MYRIP: variants seen among roughly 807,000 people sequenced by gnomAD.
MYRIP encodes myosin VIIA and Rab interacting protein.
MYRIP carries 49 observed loss-of-function variants against 98.0 expected under a neutral mutation model. That is an observed-to-expected ratio of 0.50 (90% CI 0.40 to 0.63). The LOEUF (loss-of-function observed/expected upper bound fraction) is 0.63. Ranked by LOEUF, MYRIP falls within the 30% of genes least tolerant of loss-of-function variation. The pLI, the probability that MYRIP is intolerant of heterozygous loss-of-function variation, is 0.00. For synonymous variants in MYRIP, 404 were observed against 409.5 expected (o/e 0.99, Z 0.16); for missense variants, 1,004 against 1,058.2 (o/e 0.95, Z 0.71).
In MYRIP at chr3:40,160,800, A is replaced by T. The variant is rs146710861; in HGVS notation, c.470-1930A>T. ...GGTGCCACCCCTTTCTTTGACTAGG[A>T]AAGGGAACTCCCTGGCCCCTTGCGC... On this transcript the variant is annotated intron_variant, in intron 4 of 16. Transcript: ENST00000302541. 2.5e-3 allele frequency among the ~76,000 whole-genome samples: 377 copies of T among 152,242 alleles called. 3 individuals are homozygous for T. Among genetic ancestry groups the T allele is most frequent in the African/African-American group, 8.4e-3 (350 of 41,544 alleles).
intron 4 of MYRIP, among the ~76,000 whole-genome samples, chr3:40,156,373 C>T (rs1317229756): frequency 3.3e-5 from 5 of 152,266 alleles, no homozygotes; most frequent in African/African-American, 9.6e-5. Flanking sequence ...GGTACCAGTA[C>T]CATGCTTGTT....
intron 2 of MYRIP, among the ~76,000 whole-genome samples, chr3:39,987,893 A>G (rs1452775751): frequency 6.6e-6 from 1 of 152,214 alleles, no homozygotes; most frequent in Non-Finnish European, 1.5e-5. Flanking sequence ...CACAATAGCA[A>G]AGACTTGGAA....
chr3:39,839,569 T>C (rs1227818841), intron 1 of MYRIP, among the ~76,000 whole-genome samples: 1 of 152,192 alleles, frequency 6.6e-6, no homozygotes, highest in East Asian at 1.9e-4. Context: ...CTAGTTCTTT[T>C]AATTGTGATG....
chr3:39,959,781 A>G (rs182060380), intron 2 of MYRIP, among the ~76,000 whole-genome samples: 4 of 152,120 alleles, frequency 2.6e-5, no homozygotes, highest in African/African-American at 7.2e-5. Context: ...ATTCAATATA[A>G]TTAAATATTG....
chr3:39,867,249 C>T (rs900515345), intron 1 of MYRIP, among the ~76,000 whole-genome samples: 1 of 152,136 alleles, frequency 6.6e-6, no homozygotes, highest in Admixed American at 6.5e-5. Flanking sequence ...TAGGAAAAAG[C>T]TCCTTTATGT....
chr3:39,972,488 T>C (rs148217636), intron 2 of MYRIP, among the ~76,000 whole-genome samples: 2 of 152,116 alleles, frequency 1.3e-5, no homozygotes, highest in South Asian at 2.1e-4. Context: ...AAATTTACTT[T>C]TAAAAATAAT....
At chr3:40,104,993 T>A (rs1949027311) in intron 3 of MYRIP, among the ~76,000 whole-genome samples, 1 of 152,174 alleles carries the variant, frequency 6.6e-6, no homozygotes, top group Non-Finnish European at 1.5e-5. Context: ...TTTTTAACTG[T>A]TTCACTGATT....
At position 39,931,444 on chromosome 3, in the gene MYRIP, C is replaced by G. The variant is rs9858312; in HGVS notation, c.110+30518C>G. Reference sequence around the variant, plus strand: ...TTTTTTATGGACTCCTTAAGATTTTCAGTATACTAGATCATGTCATCTTTG... The same window carrying G: ...TTTTTTATGGACTCCTTAAGATTTTGAGTATACTAGATCATGTCATCTTTG... On this transcript the variant is annotated intron_variant, in intron 2 of 16. Coordinates refer to ENST00000302541, the MANE Select transcript of MYRIP (RefSeq NM_015460.4). Among the ~76,000 whole-genome samples the G allele has an allele frequency of 7.3e-5, 11 of 151,514 alleles. No individual in the cohort carries two copies. The South Asian group carries it at 2.3e-3, about 32-fold the overall frequency.
At chr3:40,156,000 T>G (rs371301627) in intron 4 of MYRIP, among the ~76,000 whole-genome samples, 18,943 of 151,720 alleles carry the variant, frequency 0.12, 2,800 homozygotes, top group African/African-American at 0.35. Flanking sequence ...CATTTAATTA[T>G]ATCCCATTTG....
rs368099984 is a variant in MYRIP, at chr3:40,250,240, C to T, written c.2281C>T (p.Arg761Trp). The T allele has an allele frequency of 4.0e-5, 64 of 1,613,340 alleles. No individual in the cohort carries two copies. The highest frequency in any genetic ancestry group is 5.3e-5 in the Non-Finnish European group (63 of 1,179,502). ...AELQISDIES[R>W]ISALTIAGLN... ...CTTTAAGATTTCAGATATTGAGAGC[C>T]GGATTTCAGCCCTGACCATTGCAGG... The change falls in exon 14 of 17, where the codon CGG becomes TGG. Residue 761 changes from arginine to tryptophan, a missense_variant. This residue lies in a region of MYRIP where 16 missense variants were observed against 39.5 expected (regional missense o/e 0.41). Transcript: ENST00000302541.
rs898111677 is a variant in MYRIP, at chr3:40,156,469, G to A, written c.469+5285G>A. On this transcript the variant is annotated intron_variant, in intron 4 of 16. Coordinates refer to ENST00000302541, the MANE Select transcript of MYRIP (RefSeq NM_015460.4). ...TCTTTTGGCTTAGGATTGACTTGGC[G>A]ATGTGGGCTCTTTTTTGGTGCCATA... is the stretch of plus-strand genomic sequence containing the variant. 1.1e-4 allele frequency among the ~76,000 whole-genome samples: 17 copies of A among 152,242 alleles called. No individual in the cohort carries two copies. The South Asian group carries it at 2.3e-3, about 20-fold the overall frequency.
chr3:40,078,633 T>C (rs1225325277), intron 3 of MYRIP, among the ~76,000 whole-genome samples: 1 of 152,132 alleles, frequency 6.6e-6, no homozygotes, highest in Non-Finnish European at 1.5e-5. Context: ...CCTCCCAAAG[T>C]TTATATATGG....
chr3:39,950,182 A>G lies in MYRIP; in HGVS notation c.110+49256A>G, dbSNP rs192051344. Among the ~76,000 whole-genome samples the G allele has an allele frequency of 1.9e-4, 29 of 152,176 alleles. 1 individual carries two copies. The highest frequency in any genetic ancestry group is 6.6e-4 in the Admixed American group (10 of 15,264). On this transcript the variant is annotated intron_variant, in intron 2 of 16. Coordinates refer to ENST00000302541, the MANE Select transcript of MYRIP (RefSeq NM_015460.4). ...CATCTTTAGTTTGTGCTTTTTACAC[A>G]TATAACCTCATTAGAGCACAGTACT...
At chr3:40,023,284 T>A (rs1487413257) in intron 2 of MYRIP, among the ~76,000 whole-genome samples, 1 of 152,192 alleles carries the variant, frequency 6.6e-6, no homozygotes, top group Non-Finnish European at 1.5e-5. Flanking sequence ...GATGTGTCAG[T>A]CAGGGTTCCA....
Position 40,003,276 on chromosome 3 carries a change from G to GC in MYRIP, c.111-40769dup, listed in dbSNP as rs1414202350. 2.0e-5 allele frequency among the ~76,000 whole-genome samples: 3 copies of GC among 149,940 alleles called. No homozygotes were observed. The East Asian group carries it at 6.0e-4, about 30-fold the overall frequency. On this transcript the variant is annotated intron_variant, in intron 2 of 16. Coordinates refer to ENST00000302541, the MANE Select transcript of MYRIP (RefSeq NM_015460.4). ...GGAATCGGTGGCCTCTCTCTGAGTG[G>GC]CCCCCTGTGAGGTGTCTTCAAGGGA...
chr3:39,816,776 A>G (rs1437051800), intron 1 of MYRIP, among the ~76,000 whole-genome samples: 1 of 152,232 alleles, frequency 6.6e-6, no homozygotes, highest in Non-Finnish European at 1.5e-5. Flanking sequence ...AGAAGAAAGT[A>G]AAAATCACCT....
intron 2 of MYRIP, among the ~76,000 whole-genome samples, chr3:40,016,465 T>C (rs1946863640): frequency 6.6e-6 from 1 of 152,150 alleles, no homozygotes; most frequent in Non-Finnish European, 1.5e-5. Flanking sequence ...CCAGCTGATG[T>C]AGGATACAAA....
At chr3:40,105,484 G>T (rs1003303564) in intron 3 of MYRIP, among the ~76,000 whole-genome samples, 4 of 152,138 alleles carry the variant, frequency 2.6e-5, no homozygotes, top group African/African-American at 9.7e-5. Flanking sequence ...ATGGTGGAAG[G>T]CAAAGCTGGA....
Position 40,182,264 on chromosome 3 carries a change from G to A in MYRIP, c.918G>A (p.Lys306=). ...AFSITGEEAL[K]TPPVEAPSRQ... is the part of the protein sequence containing the mutation. ...CAATCACTGGAGAAGAAGCCCTGAA[G>A]ACCCCTCCAGTGGAGGCTCCATCGA... The change falls in exon 9 of 17, where the codon AAG becomes AAA. Residue 306 remains lysine, a synonymous_variant. Coordinates refer to ENST00000302541, the MANE Select transcript of MYRIP (RefSeq NM_015460.4). 6.2e-7 allele frequency: 1 copy of A among 1,613,806 alleles called. No individual in the cohort carries two copies.
Sources: gnomAD v4.1 joint callset for allele counts (sites outside exome capture counted in the v4.1 genomes callset) on GRCh38, gnomAD v4.1.1 for gene constraint, gnomAD v4.1.1 regional missense constraint, MANE v1.5 for transcripts, NCBI Gene and HGNC (gene_info 2026-07-23, HGNC 2026-07-21) for gene names.